LAMA2: variants seen among roughly 807,000 people sequenced by gnomAD.
LAMA2 encodes the protein laminin subunit alpha 2.
LAMA2 carries 269 observed loss-of-function variants against 364.8 expected under a neutral mutation model. That is an observed-to-expected ratio of 0.74 (90% confidence interval 0.67 to 0.82). LAMA2 has a LOEUF of 0.82. LAMA2 is among the 40% of genes least tolerant of loss of function. LAMA2 has a pLI of 0.00. For missense variants in LAMA2, 3,807 were observed against 3,873.2 expected (o/e 0.98, Z 0.45); for synonymous variants, 1,379 against 1,370.6 (o/e 1.01, Z -0.14).
chr6:129,046,149 T>A (rs10457514), intron 1 of LAMA2, among the ~76,000 whole-genome samples: 47,116 of 152,018 alleles, frequency 0.31, 8,152 homozygotes, highest in African/African-American at 0.46. Context: ...TTACTACTTA[T>A]TTTTCTATAC....
At chr6:129,269,544 A>T (rs770993702) in intron 16 of LAMA2, among the ~76,000 whole-genome samples, 1 of 152,192 alleles carries the variant, frequency 6.6e-6, no homozygotes, top group Non-Finnish European at 1.5e-5. Context: ...CCTCTCAATT[A>T]TGCAAGATTT....
intron 8 of LAMA2, chr6:129,158,432 A>AAT (rs1779255117): frequency 6.2e-7 from 1 of 1,613,890 alleles, no homozygotes; most frequent in Non-Finnish European, 8.5e-7. Context: ...TCTGTTTGGC[A>AAT]ATAGTTCGCT....
intron 32 of LAMA2, among the ~76,000 whole-genome samples, chr6:129,355,391 G>C (rs540859479): frequency 6.6e-6 from 1 of 152,016 alleles, no homozygotes; most frequent in East Asian, 1.9e-4. Context: ...CCCAGGATTC[G>C]GTTTCTACTT....
In LAMA2 at chr6:129,453,044, C is replaced by A; in HGVS notation, c.6486C>A (p.Ile2162=). Residue 2162 remains isoleucine (I), a synonymous_variant, in exon 46 of 65, where the codon ATC becomes ATA. Coordinates refer to ENST00000421865, the MANE Select transcript of LAMA2 (RefSeq NM_000426.4). ...GDCIRTYKPE[I]KKGSYNNIVV... ...GCATTCGAACATACAAACCAGAAAT[C>A]AAGAAAGGAAGTTACAATAATATTG... 11 of 1,612,552 alleles carry A rather than the reference C, an allele frequency of 6.8e-6. No homozygotes were observed. The highest frequency in any genetic ancestry group is 9.3e-6 in the Non-Finnish European group (11 of 1,179,016).
intron 40 of LAMA2, among the ~76,000 whole-genome samples, chr6:129,425,108 G>A (rs1192582525): frequency 6.6e-6 from 1 of 151,964 alleles, no homozygotes; most frequent in African/African-American, 2.4e-5. Flanking sequence ...TATTTGTCTG[G>A]GGACAGAGGG....
chr6:129,163,874 T>G (rs1420962398), intron 8 of LAMA2, among the ~76,000 whole-genome samples: 2 of 152,204 alleles, frequency 1.3e-5, no homozygotes, highest in Non-Finnish European at 2.9e-5. Flanking sequence ...TTATGTTCCT[T>G]ACAGCTTCCA....
intron 29 of LAMA2, among the ~76,000 whole-genome samples, chr6:129,339,274 T>C (rs1776124331): frequency 6.6e-6 from 1 of 152,200 alleles, no homozygotes; most frequent in African/African-American, 2.4e-5. Context: ...GATGATCTAA[T>C]GGATACCTCG....
Position 129,050,176 on chromosome 6 carries a change from T to C in LAMA2, c.283+88T>C, listed in dbSNP as rs1787900313. The stretch of plus-strand genomic sequence containing the variant: ...GCCAAGTTGCATTAAATTCAAGGGT[T>C]TGTAATACTAAGAATTCCTAGAATT... On this transcript the variant is annotated intron_variant, in intron 2 of 64. Coordinates refer to ENST00000421865, the MANE Select transcript of LAMA2 (RefSeq NM_000426.4). 1.3e-5 allele frequency: 17 copies of C among 1,291,894 alleles called. No individual in the cohort carries two copies. The South Asian group carries it at 2.1e-4, about 16-fold the overall frequency. 80.0% of individuals were successfully genotyped at this position (1,291,894 alleles called of 1,614,324 possible).
At chr6:129,160,674 T>C (rs1324095915) in intron 8 of LAMA2, among the ~76,000 whole-genome samples, 1 of 151,976 alleles carries the variant, frequency 6.6e-6, no homozygotes, top group Non-Finnish European at 1.5e-5. Flanking sequence ...TTTACACCTT[T>C]CTTCTTTTAT....
chr6:129,442,093 C>A, intron 43 of LAMA2: 1 of 626,878 alleles, frequency 1.6e-6, no homozygotes, highest in Non-Finnish European at 2.6e-6. Flanking sequence ...CTTTATATGC[C>A]AACATTTTTG....
At chr6:129,484,915 G>T (rs1583859647) in intron 55 of LAMA2, among the ~76,000 whole-genome samples, 1 of 152,050 alleles carries the variant, frequency 6.6e-6, no homozygotes, top group Non-Finnish European at 1.5e-5. Context: ...CAGTGTTAAC[G>T]CAGCTTCATC....
chr6:128,948,190 C>G (rs1780597728), intron 1 of LAMA2, among the ~76,000 whole-genome samples: 1 of 151,940 alleles, frequency 6.6e-6, no homozygotes, highest in Non-Finnish European at 1.5e-5. Flanking sequence ...AAGCAGGTAA[C>G]AAGAGGACTT....
At chr6:129,334,728 G>A (rs1583519204) in intron 29 of LAMA2, among the ~76,000 whole-genome samples, 1 of 152,152 alleles carries the variant, frequency 6.6e-6, no homozygotes, top group Non-Finnish European at 1.5e-5. Flanking sequence ...AGCAAAGTCA[G>A]TGTCTGGGGA....
rs188271517 is a variant in LAMA2, at chr6:129,333,855, C to T, written c.4311+5443C>T. 7.4e-4 allele frequency among the ~76,000 whole-genome samples: 113 copies of T among 152,012 alleles called. 1 individual carries two copies. Among genetic ancestry groups the T allele is most frequent in the Admixed American group, 5.9e-3 (90 of 15,264 alleles). Reference sequence around the variant, plus strand: ...TCAATTTTGTTAGGATTAAAATTACCGTCTTTATACTGTCCTCTTTTGACC... The same window carrying T: ...TCAATTTTGTTAGGATTAAAATTACTGTCTTTATACTGTCCTCTTTTGACC... On this transcript the variant is annotated intron_variant, in intron 29 of 64. Transcript: ENST00000421865.
At chr6:129,121,497 T>C (rs1357092383) in intron 4 of LAMA2, among the ~76,000 whole-genome samples, 3 of 152,186 alleles carry the variant, frequency 2.0e-5, no homozygotes, top group African/African-American at 7.2e-5. Flanking sequence ...CTGTGTGTTT[T>C]CAATGGTGTG....
chr6:129,477,650 A>G (rs1784135349), intron 53 of LAMA2, among the ~76,000 whole-genome samples: 1 of 152,138 alleles, frequency 6.6e-6, no homozygotes, highest in Admixed American at 6.5e-5. Flanking sequence ...TTTGAGTATA[A>G]AAGTCATTTT....
In LAMA2 at chr6:128,925,329, T is replaced by C. The variant is rs142234663; in HGVS notation, c.112+41972T>C. 7.7e-3 allele frequency among the ~76,000 whole-genome samples: 1,170 copies of C among 152,292 alleles called. 17 individuals are homozygous for C. The highest frequency in any genetic ancestry group is 0.034 in the Middle Eastern group (10 of 294). The stretch of plus-strand genomic sequence containing the variant: ...GTATACGATGGAACATTATTCCGTC[T>C]GTAAAAGAGAGGAAATTCTGACACA... On this transcript the variant is annotated intron_variant, in intron 1 of 64. Transcript: ENST00000421865.
chr6:129,309,706 G>A (rs1007618885), intron 22 of LAMA2, among the ~76,000 whole-genome samples: 3 of 152,056 alleles, frequency 2.0e-5, no homozygotes, highest in East Asian at 1.9e-4. Flanking sequence ...GTTACTTGGC[G>A]GTGAGGTTAG....
intron 29 of LAMA2, among the ~76,000 whole-genome samples, chr6:129,335,384 A>ATAGG (rs1775900216): frequency 6.6e-6 from 1 of 152,068 alleles, no homozygotes; most frequent in Non-Finnish European, 1.5e-5. Context: ...AGATAGATAG[A>ATAGG]TAGATAGATA....
Sources: gnomAD v4.1 joint callset for allele counts (sites outside exome capture counted in the v4.1 genomes callset) on GRCh38, gnomAD v4.1.1 for gene constraint, MANE v1.5 for transcripts, NCBI Gene and HGNC (gene_info 2026-07-23, HGNC 2026-07-21) for gene names.